Variants in CDA observed in about 807,000 individuals in gnomAD.
CDA encodes cytidine aminohydrolase.
A neutral mutation model predicts 15.0 loss-of-function variants in CDA; 7 were observed. The observed-to-expected ratio is 0.47, with a 90% CI of 0.26 to 0.87. CDA has a LOEUF of 0.87. Among genes scored for constraint, CDA ranks in the 40% least tolerant of loss-of-function variants. The pLI, the probability that CDA is intolerant of heterozygous loss-of-function variation, is 0.15. For missense variants in CDA, 159 were observed against 182.7 expected (o/e 0.87, Z 0.75); for synonymous variants, 58 against 73.0 (o/e 0.79, Z 1.05).
intron 1 of CDA, among the ~76,000 whole-genome samples, chr1:20,596,394 G>C (rs1014756809): frequency 2.6e-5 from 4 of 151,842 alleles, no homozygotes; most frequent in Admixed American, 1.3e-4. Context: ...AAATTTTTGA[G>C]CTCCAACCCA....
chr1:20,592,033 G>C (rs35859441), intron 1 of CDA, among the ~76,000 whole-genome samples: 16,387 of 151,856 alleles, frequency 0.11, 969 homozygotes, highest in African/African-American at 0.14. Flanking sequence ...GTAGAGACAG[G>C]GTTTCATCAT....
chr1:20,615,767 G>A (rs2052796310), intron 3 of CDA, among the ~76,000 whole-genome samples: 1 of 152,160 alleles, frequency 6.6e-6, no homozygotes, highest in Admixed American at 6.5e-5. Context: ...TTGGGAGACT[G>A]AGGCAGGAGG....
intron 1 of CDA, among the ~76,000 whole-genome samples, chr1:20,594,737 C>T (rs1374874774): frequency 5.5e-5 from 8 of 145,716 alleles, no homozygotes; most frequent in African/African-American, 1.8e-4. Context: ...TGCAGTGAGC[C>T]GAGATCACAC....
intron 2 of CDA, 136 bp downstream of exon 2, chr1:20,605,175 G>A: frequency 1.4e-6 from 1 of 709,026 alleles, no homozygotes; most frequent in South Asian, 1.5e-5. Context: ...ACTGTACAGG[G>A]CCCTGGGATG....
At chr1:20,600,701 C>T (rs1387679623) in intron 1 of CDA, among the ~76,000 whole-genome samples, 1 of 146,262 alleles carries the variant, frequency 6.8e-6, no homozygotes, top group East Asian at 2.0e-4. Flanking sequence ...TTGCAGTGAG[C>T]TGAGATTGTG....
intron 2 of CDA, among the ~76,000 whole-genome samples, chr1:20,610,513 C>T (rs2052740566): frequency 6.6e-6 from 1 of 151,868 alleles, no homozygotes; most frequent in African/African-American, 2.4e-5. Context: ...GTTGGCCAGG[C>T]TGGTCTTGAA....
At chr1:20,604,777 G>A in intron 1 of CDA, 151 bp from the exon 2 acceptor site, 2 of 679,928 alleles carry the variant, frequency 2.9e-6, no homozygotes, top group Non-Finnish European at 5.4e-6. Context: ...AGTGCCCCAG[G>A]TCGAATTGCC....
intron 3 of CDA, among the ~76,000 whole-genome samples, chr1:20,616,807 A>G (rs1343879437): frequency 6.6e-6 from 1 of 152,198 alleles, no homozygotes; most frequent in Non-Finnish European, 1.5e-5. Flanking sequence ...CCTTAGGCAC[A>G]GCCTGTCAAG....
intron 1 of CDA, among the ~76,000 whole-genome samples, chr1:20,603,587 T>C (rs1006635303): frequency 6.6e-6 from 1 of 152,234 alleles, no homozygotes; most frequent in Non-Finnish European, 1.5e-5. Flanking sequence ...GTGGCCACAC[T>C]GTGCTGCAAG....
chr1:20,593,305 C>T (rs2052565349), intron 1 of CDA, among the ~76,000 whole-genome samples: 1 of 152,076 alleles, frequency 6.6e-6, no homozygotes, highest in South Asian at 2.1e-4. Context: ...TTTAGATGAC[C>T]TCCTGTAATA....
intron 2 of CDA, among the ~76,000 whole-genome samples, chr1:20,612,992 G>A (rs1031332210): frequency 2.7e-5 from 4 of 149,018 alleles, no homozygotes; most frequent in Non-Finnish European, 5.9e-5. Context: ...TTACACAGAC[G>A]TGCGTGACAC....
At chr1:20,606,274 G>T (rs11580375) in intron 2 of CDA, among the ~76,000 whole-genome samples, 46,424 of 138,510 alleles carry the variant, frequency 0.34, 8,518 homozygotes, top group South Asian at 0.42. Flanking sequence ...GGTGGAGCTC[G>T]CAGTGAGCTG....
intron 1 of CDA, among the ~76,000 whole-genome samples, chr1:20,590,132 G>A (rs1016520324): frequency 1.2e-4 from 19 of 152,206 alleles, no homozygotes; most frequent in African/African-American, 4.3e-4. Context: ...GTCTGTTGAG[G>A]TTCTGTCGGG....
intron 1 of CDA, among the ~76,000 whole-genome samples, chr1:20,596,413 C>A (rs1016827673): frequency 6.6e-6 from 1 of 152,080 alleles, no homozygotes; most frequent in African/African-American, 2.4e-5. Flanking sequence ...CAGCCCAGAC[C>A]TATTGAATCA....
intron 1 of CDA, among the ~76,000 whole-genome samples, chr1:20,592,559 T>C (rs1277819747): frequency 3.3e-5 from 5 of 152,244 alleles, no homozygotes; most frequent in Non-Finnish European, 7.4e-5. Context: ...TGACATTTAG[T>C]GTGACAGGTG....
intron 2 of CDA, among the ~76,000 whole-genome samples, chr1:20,611,035 T>G (rs2052745300): frequency 6.6e-6 from 1 of 152,060 alleles, no homozygotes; most frequent in South Asian, 2.1e-4. Context: ...AGCCCAGAAG[T>G]TCAAGACCAG....
chr1:20,616,770 C>A (rs755399362), intron 3 of CDA, among the ~76,000 whole-genome samples: 1 of 152,146 alleles, frequency 6.6e-6, no homozygotes. Flanking sequence ...TAAACTCGCC[C>A]TCGGCTCAAC....
chr1:20,610,554 C>A (rs376072412), intron 2 of CDA, among the ~76,000 whole-genome samples: 3 of 152,148 alleles, frequency 2.0e-5, no homozygotes, highest in East Asian at 3.9e-4. Context: ...CCACCTCGGC[C>A]TCCCAAAGTG....
rs761045231 is a variant in CDA at position 20,589,119 on chromosome 1, G to C, written c.-11G>C. On this transcript the variant is annotated 5_prime_UTR_variant, in exon 1 of 4. Transcript: ENST00000375071. ...TTTCCCGCTGCTCTGCTGCCTGCCCGGGGTACCAACATGGCCCAGAAGCGT... is the reference window on the plus strand; with the variant it reads ...TTTCCCGCTGCTCTGCTGCCTGCCCCGGGTACCAACATGGCCCAGAAGCGT... 8.1e-6 allele frequency: 13 copies of C among 1,614,018 alleles called. No individual in the cohort carries two copies. The highest frequency in any genetic ancestry group is 1.1e-5 in the Non-Finnish European group (13 of 1,179,998).
Sources: allele counts gnomAD v4.1 joint callset (sites outside exome capture counted in the v4.1 genomes callset), GRCh38; gene constraint gnomAD v4.1.1; transcripts MANE v1.5; gene names NCBI Gene and HGNC (gene_info 2026-07-23, HGNC 2026-07-21).